Variants in CTNNA2 observed in about 807,000 individuals in gnomAD.
The protein encoded by CTNNA2 is catenin alpha 2, also known as catenin alpha-2.
In CTNNA2, 42 loss-of-function variants were observed where a neutral mutation model predicts 101.0. The observed-to-expected ratio is 0.42, with a 90% confidence interval of 0.32 to 0.54. CTNNA2 has a LOEUF of 0.54. Among genes scored for constraint, CTNNA2 ranks in the 20% least tolerant of loss-of-function variants. The probability of loss-of-function intolerance (pLI) is 0.14; values close to 1 mark genes in which losing one functional copy is unlikely to be tolerated. For missense variants in CTNNA2, 871 were observed against 1,223.1 expected, an observed-to-expected ratio of 0.71 and a Z score of 4.29; for synonymous variants, 450 against 456.4, an observed-to-expected ratio of 0.99 and a Z score of 0.18.
intron 7 of CTNNA2, among the ~76,000 whole-genome samples, chr2:80,307,813 C>T (rs1418619837): frequency 6.6e-6 from 1 of 152,168 alleles, no homozygotes; most frequent in Non-Finnish European, 1.5e-5. Context: ...CCATCCCAAG[C>T]CATCATGCCA....
intron 2 of CTNNA2, among the ~76,000 whole-genome samples, chr2:79,711,628 GA>G (rs1383154527): frequency 1.3e-5 from 2 of 152,108 alleles, no homozygotes; most frequent in African/African-American, 4.8e-5. Flanking sequence ...GTAGAAAGCA[GA>G]AAAGACCCTG....
chr2:80,631,860 C>A (rs1464232867), intron 18 of CTNNA2, among the ~76,000 whole-genome samples: 1 of 151,978 alleles, frequency 6.6e-6, no homozygotes, highest in Non-Finnish European at 1.5e-5. Context: ...GAATGATGCG[C>A]CTAAAGTGAT....
chr2:79,973,434 G>A (rs1214996613), intron 7 of CTNNA2, among the ~76,000 whole-genome samples: 1 of 152,152 alleles, frequency 6.6e-6, no homozygotes, highest in East Asian at 1.9e-4. Context: ...TCACTTCCAT[G>A]TAGAGGAGAG....
intron 7 of CTNNA2, among the ~76,000 whole-genome samples, chr2:80,361,642 C>G (rs1674416150): frequency 6.6e-6 from 1 of 152,000 alleles, no homozygotes; most frequent in Non-Finnish European, 1.5e-5. Flanking sequence ...AAAAATACAG[C>G]AGGATTAGTA....
chr2:80,464,615 A>G (rs1865321), intron 9 of CTNNA2, among the ~76,000 whole-genome samples: 63,513 of 152,002 alleles, frequency 0.42, 15,065 homozygotes, highest in East Asian at 0.75. Flanking sequence ...AGGAAGTTTC[A>G]CTTTGTCATT....
chr2:80,505,052 G>A (rs1282369779), intron 9 of CTNNA2, among the ~76,000 whole-genome samples: 1 of 152,130 alleles, frequency 6.6e-6, no homozygotes, highest in Non-Finnish European at 1.5e-5. Context: ...GCCTTACGGA[G>A]GCTAATGGCT....
chr2:80,629,670 C>T (rs887111078), intron 18 of CTNNA2, among the ~76,000 whole-genome samples: 4 of 152,144 alleles, frequency 2.6e-5, no homozygotes, highest in African/African-American at 7.2e-5. Flanking sequence ...AGTCTAGCCT[C>T]GTTTGGATAA....
chr2:80,322,857 T>G (rs1276718455), intron 7 of CTNNA2, among the ~76,000 whole-genome samples: 1 of 152,184 alleles, frequency 6.6e-6, no homozygotes, highest in Non-Finnish European at 1.5e-5. Context: ...GCGAGGCTGT[T>G]TCCCTAACCT....
rs553123483 is a variant in CTNNA2, at chr2:79,353,602, G to T, written c.-317-20229G>T. Among the ~76,000 whole-genome samples the T allele has an allele frequency of 3.9e-5, 6 of 152,094 alleles. No homozygotes were observed. The East Asian group carries it at 1.2e-3, about 29-fold the overall frequency. On this transcript the variant is annotated intron_variant, in intron 3 of 21. Transcript: ENST00000466387. ...GTTTCTTGAAGACAGCATACGGTGGGGTCTTGTTTCTTTATTCCACTTGTC... is the reference window on the plus strand; with the variant it reads ...GTTTCTTGAAGACAGCATACGGTGGTGTCTTGTTTCTTTATTCCACTTGTC...
In CTNNA2 at chr2:80,496,395, CTTT is replaced by C. The variant is rs34221173; in HGVS notation, c.1291-48570_1291-48568del. Among the ~76,000 whole-genome samples, 726 of 131,702 alleles carry C rather than the reference CTTT, an allele frequency of 5.5e-3. 2 individuals carry two copies. Among genetic ancestry groups the C allele is most frequent in the African/African-American group, 0.014 (514 of 36,032 alleles). 86.4% of individuals were successfully genotyped at this position (131,702 alleles called of 152,430 possible). ...ATTAAGTATTAGTCTTCTTCACTGTCTTTTTTTTTTTTTTTTTTTATCTTAGAA... is the reference window on the plus strand; with the variant it reads ...ATTAAGTATTAGTCTTCTTCACTGTCTTTTTTTTTTTTTTTTATCTTAGAA... On this transcript the variant is annotated intron_variant, in intron 9 of 18. Coordinates refer to ENST00000402739, the MANE Select transcript of CTNNA2 (RefSeq NM_001282597.3).
At chr2:79,432,297 T>TCATTAAATGGCTGAG (rs1444450873) in intron 4 of CTNNA2, among the ~76,000 whole-genome samples, 137 of 152,262 alleles carry the variant, frequency 9.0e-4, no homozygotes, top group African/African-American at 3.2e-3. Context: ...GAGAACATGG[T>TCATTAAATGGCTGAG]AACTCCAAGC....
At chr2:79,298,222 G>A (rs192038911) in intron 2 of CTNNA2, among the ~76,000 whole-genome samples, 51 of 152,294 alleles carry the variant, frequency 3.3e-4, no homozygotes, top group African/African-American at 1.1e-3. Context: ...GTGCAGTCAT[G>A]TCAAATGGAG....
At chr2:79,195,457 G>T (rs10520233) in intron 1 of CTNNA2, among the ~76,000 whole-genome samples, 2,569 of 152,170 alleles carry the variant, frequency 0.017, 96 homozygotes, top group East Asian at 0.1. Context: ...GTAGTCTTTA[G>T]CTGATTAGGC....
intron 1 of CTNNA2, among the ~76,000 whole-genome samples, chr2:79,606,845 A>G (rs905756393): frequency 3.3e-5 from 5 of 152,230 alleles, no homozygotes; most frequent in Non-Finnish European, 7.3e-5. Context: ...AAAGTATTTA[A>G]TTCAAAAGAA....
rs188798153 is a variant in CTNNA2 at position 79,381,740 on chromosome 2, A to G, written c.-135+7727A>G. 2.4e-3 allele frequency among the ~76,000 whole-genome samples: 372 copies of G among 152,304 alleles called. 3 individuals carry two copies. Among genetic ancestry groups the G allele is most frequent in the African/African-American group, 8.4e-3 (350 of 41,562 alleles). ...TCTCTGTCTATCCAGTGATCATTCA[A>G]AGCTCTCTGAGGCATAATAGATTGC... On this transcript the variant is annotated intron_variant, in intron 4 of 21. Coordinates refer to the CTNNA2 transcript ENST00000466387.
intron 3 of CTNNA2, among the ~76,000 whole-genome samples, chr2:79,774,651 CAG>C (rs2105163888): frequency 6.6e-6 from 1 of 152,230 alleles, no homozygotes; most frequent in African/African-American, 2.4e-5. Context: ...TATAAGCAAA[CAG>C]GGCAGTAATA....
At chr2:79,382,821 A>C (rs1213661673) in intron 4 of CTNNA2, among the ~76,000 whole-genome samples, 1 of 152,096 alleles carries the variant, frequency 6.6e-6, no homozygotes, top group Non-Finnish European at 1.5e-5. Flanking sequence ...TCACTGTGTT[A>C]GCCAGAATGG....
rs141316629 is a variant in CTNNA2 at position 80,261,634 on chromosome 2, A to G, written c.1057-131577A>G. ...CCAATATGGTCTGAGGTAATAATTG[A>G]ATACCCAATTGAATCTCAGCTAACT... On this transcript the variant is annotated intron_variant, in intron 7 of 18. Coordinates refer to ENST00000402739, the MANE Select transcript of CTNNA2 (RefSeq NM_001282597.3). Among the ~76,000 whole-genome samples the G allele has an allele frequency of 3.8e-3, 586 of 152,294 alleles. 3 individuals are homozygous for G. Among genetic ancestry groups the G allele is most frequent in the African/African-American group, 0.013 (554 of 41,568 alleles).
chr2:80,101,337 A>C (rs917296608), intron 7 of CTNNA2, among the ~76,000 whole-genome samples: 1 of 152,216 alleles, frequency 6.6e-6, no homozygotes, highest in East Asian at 1.9e-4. Context: ...AGCCAAATTG[A>C]TAACATTGAA....
Sources: gnomAD v4.1 joint callset for allele counts (sites outside exome capture counted in the v4.1 genomes callset) on GRCh38, gnomAD v4.1.1 for gene constraint, MANE v1.5 for transcripts, NCBI Gene and HGNC (gene_info 2026-07-23, HGNC 2026-07-21) for gene names.